Variants in GAN observed in about 807,000 individuals in gnomAD.
GAN encodes the protein gigaxonin.
GAN carries 48 observed loss-of-function variants against 71.3 expected under a neutral mutation model. The observed-to-expected ratio is 0.67, with a 90% CI of 0.53 to 0.86. The LOEUF (loss-of-function observed/expected upper bound fraction) is 0.86. GAN is among the 40% of genes least tolerant of loss of function. GAN has a pLI of 0.00. For missense variants in GAN, 928 were observed against 770.1 expected, an observed-to-expected ratio of 1.21 and a Z score of -2.43; for synonymous variants, 386 against 276.8, an observed-to-expected ratio of 1.39 and a Z score of -3.92.
intron 1 of GAN, 53 bp downstream of exon 1, chr16:81,315,333 GCGGGGCGGCCGGGC>G: frequency 7.7e-7 from 1 of 1,299,206 alleles, no homozygotes; most frequent in Non-Finnish European, 9.9e-7. Flanking sequence ...GGAGCCGGAG[GCGGGGCGGCCGGGC>G]CGGGCGTGGC....
rs1266979994 is a variant in GAN, at chr16:81,373,009, C to G, written c.1503-4210C>G. Among the ~76,000 whole-genome samples, 7 of 152,170 alleles carry G rather than the reference C, an allele frequency of 4.6e-5. No individual in the cohort carries two copies. The East Asian group carries it at 1.3e-3, about 29-fold the overall frequency. Reference sequence around the variant, plus strand: ...AGTTGAATCAAATGTAGATGAACGGCTTTAGAAACATGGTGCTTAGCTTTG... The same window carrying G: ...AGTTGAATCAAATGTAGATGAACGGGTTTAGAAACATGGTGCTTAGCTTTG... On this transcript the variant is annotated intron_variant, in intron 9 of 10. Transcript: ENST00000648994.
chr16:81,327,525 A>G (rs1909429956), intron 1 of GAN, among the ~76,000 whole-genome samples: 1 of 152,158 alleles, frequency 6.6e-6, no homozygotes. Flanking sequence ...ACTACACAAA[A>G]AAGACAAGTA....
rs902380059 is a variant in GAN at position 81,379,008 on chromosome 16, G to C, written c.*1412G>C. 1.3e-5 allele frequency: 2 copies of C among 151,390 alleles called. No individual in the cohort carries two copies. Among genetic ancestry groups the C allele is most frequent in the Admixed American group, 1.3e-4 (2 of 15,210 alleles). The allele number at this position is 151,390 out of a possible 1,614,324, so 9.4% of individuals were successfully genotyped here. ...AAATTTCTAATCAATTTAATATACA[G>C]TACTTCATTTTTAATTGTTTTCTAA... On this transcript the variant is annotated 3_prime_UTR_variant, in exon 11 of 11. Coordinates refer to ENST00000648994, the MANE Select transcript of GAN (RefSeq NM_022041.4).
intron 9 of GAN, among the ~76,000 whole-genome samples, chr16:81,369,128 C>G (rs1910955733): frequency 6.6e-6 from 1 of 152,160 alleles, no homozygotes; most frequent in Admixed American, 6.5e-5. Context: ...GTTAAATTAA[C>G]TGTTCTTTGA....
intron 1 of GAN, among the ~76,000 whole-genome samples, chr16:81,332,440 G>A (rs1909613738): frequency 6.6e-6 from 1 of 152,208 alleles, no homozygotes. Flanking sequence ...GACCCAGTTT[G>A]TATGATCAAC....
Position 81,377,309 on chromosome 16 carries a change from T to A in GAN, c.1593T>A (p.Val531=), listed in dbSNP as rs141592516. The part of the protein sequence containing the change: ...GAVPIGASIY[V]IGDLDTGTNY... ...TACCTATAGGAGCCAGTATTTATGT[T>A]ATTGGAGATCTTGATACAGGTAAGA... The change falls in exon 10 of 11, where the codon GTT becomes GTA. Residue 531 remains valine (V), a synonymous_variant. Coordinates refer to ENST00000648994, the MANE Select transcript of GAN (RefSeq NM_022041.4). 76 of 1,599,970 alleles carry A rather than the reference T, an allele frequency of 4.8e-5. No individual in the cohort carries two copies. The highest frequency in any genetic ancestry group is 6.1e-5 in the Non-Finnish European group (71 of 1,167,226).
intron 2 of GAN, among the ~76,000 whole-genome samples, chr16:81,353,689 C>T (rs1294829648): frequency 6.6e-6 from 1 of 152,058 alleles, no homozygotes; most frequent in Non-Finnish European, 1.5e-5. Flanking sequence ...TTTTAGAGAA[C>T]TGTTTCTTTC....
intron 2 of GAN, among the ~76,000 whole-genome samples, chr16:81,352,446 G>GT (rs1458649532): frequency 3.3e-5 from 5 of 152,050 alleles, no homozygotes; most frequent in East Asian, 1.9e-4. Flanking sequence ...TTTTTGTTTT[G>GT]TTTTTTTAAC....
chr16:81,329,346 G>A (rs1909496352), intron 1 of GAN, among the ~76,000 whole-genome samples: 1 of 152,062 alleles, frequency 6.6e-6, no homozygotes, highest in African/African-American at 2.4e-5. Flanking sequence ...GTGTTCCTGG[G>A]TTGCCGCCCT....
Position 81,387,833 on chromosome 16 carries a change from TA to T in GAN, c.*10246del, listed in dbSNP as rs200700104. Reference sequence around the variant, plus strand: ...TCTGTCTCACAAAAAAATAAAAAATTAAAAAAAAAGGTCTGCTCAGAAATAG... The same window carrying T: ...TCTGTCTCACAAAAAAATAAAAAATTAAAAAAAAGGTCTGCTCAGAAATAG... On this transcript the variant is annotated 3_prime_UTR_variant, in exon 11 of 11. Coordinates refer to ENST00000648994, the MANE Select transcript of GAN (RefSeq NM_022041.4). 4.7e-5 allele frequency: 7 copies of T among 150,368 alleles called. No individual in the cohort carries two copies. Among genetic ancestry groups the T allele is most frequent in the South Asian group, 4.2e-4 (2 of 4,720 alleles). The allele number at this position is 150,368 out of a possible 1,614,324, so 9.3% of individuals were successfully genotyped here.
intron 1 of GAN, among the ~76,000 whole-genome samples, chr16:81,347,062 C>G (rs1270508328): frequency 6.6e-6 from 1 of 152,198 alleles, no homozygotes; most frequent in Non-Finnish European, 1.5e-5. Flanking sequence ...GAAGACATGT[C>G]TGCTGCCAAA....
intron 1 of GAN, among the ~76,000 whole-genome samples, chr16:81,335,444 C>G (rs1234956277): frequency 6.6e-6 from 1 of 152,030 alleles, no homozygotes; most frequent in Non-Finnish European, 1.5e-5. Flanking sequence ...TGGTGAAACC[C>G]TGTGTCTACT....
intron 1 of GAN, among the ~76,000 whole-genome samples, chr16:81,326,267 C>G (rs551220644): frequency 6.6e-6 from 1 of 151,992 alleles, no homozygotes; most frequent in East Asian, 1.9e-4. Context: ...CCTATAATCC[C>G]AGCACTTTGG....
At chr16:81,319,106 G>C (rs187440421) in intron 1 of GAN, among the ~76,000 whole-genome samples, 3 of 151,588 alleles carry the variant, frequency 2.0e-5, no homozygotes, top group African/African-American at 7.3e-5. Flanking sequence ...CCTTGACCCC[G>C]GGAGTTCCAG....
chr16:81,364,122 A>G (rs954338439), intron 7 of GAN, among the ~76,000 whole-genome samples, 179 bp downstream of exon 7: 1 of 152,176 alleles, frequency 6.6e-6, no homozygotes, highest in Non-Finnish European at 1.5e-5. Flanking sequence ...AAGATAGGAA[A>G]GTGAGCGTGT....
At chr16:81,321,682 G>C (rs1197829301) in intron 1 of GAN, among the ~76,000 whole-genome samples, 10 of 152,214 alleles carry the variant, frequency 6.6e-5, no homozygotes, top group African/African-American at 1.9e-4. Flanking sequence ...TGGTCTGTGA[G>C]TGCCATGCAA....
rs1904287045 is a variant in GAN at position 81,377,775 on chromosome 16, A to C, written c.*179A>C. The stretch of plus-strand genomic sequence containing the variant: ...TAGCTCTTGTTTGGGAGAACACGTA[A>C]CTGTTGAAAAACTACCTGGGAGGAG... On this transcript the variant is annotated 3_prime_UTR_variant, in exon 11 of 11. Transcript: ENST00000648994. 1 of 648,582 alleles carries C rather than the reference A, an allele frequency of 1.5e-6. No homozygotes were observed. Among genetic ancestry groups the C allele is most frequent in the Non-Finnish European group, 2.7e-6 (1 of 365,614 alleles). The allele number at this position is 648,582 out of a possible 1,614,324, so 40.2% of individuals were successfully genotyped here.
At chr16:81,373,267 T>A (rs1911091023) in intron 9 of GAN, among the ~76,000 whole-genome samples, 1 of 152,224 alleles carries the variant, frequency 6.6e-6, no homozygotes, top group African/African-American at 2.4e-5. Context: ...AGGGTAGGCC[T>A]GGACCTTGGT....
intron 1 of GAN, among the ~76,000 whole-genome samples, chr16:81,335,860 C>A (rs1456432128): frequency 2.0e-5 from 3 of 151,504 alleles, no homozygotes; most frequent in Non-Finnish European, 2.9e-5. Flanking sequence ...GAATTGGTGG[C>A]AGAGAGAAAT....
Sources: gnomAD v4.1 joint callset for allele counts (sites outside exome capture counted in the v4.1 genomes callset) on GRCh38, gnomAD v4.1.1 for gene constraint, MANE v1.5 for transcripts, NCBI Gene and HGNC (gene_info 2026-07-23, HGNC 2026-07-21) for gene names.